CFAP44: variants seen among roughly 807,000 people sequenced by gnomAD.
The protein encoded by CFAP44 is cilia and flagella associated protein 44, also known as cilia- and flagella-associated protein 44.
Under a neutral mutation model 216.2 loss-of-function variants are expected in CFAP44, and 134 were observed. The observed-to-expected ratio is 0.62, with a 90% CI of 0.54 to 0.72. CFAP44 has a LOEUF of 0.72. CFAP44 is among the 30% of genes least tolerant of loss of function. CFAP44 has a pLI of 0.00. For missense variants in CFAP44, 2,035 were observed against 2,182.1 expected, an observed-to-expected ratio of 0.93 and a Z score of 1.34; for synonymous variants, 700 against 727.6, an observed-to-expected ratio of 0.96 and a Z score of 0.61.
chr3:113,301,469 T>A (rs1949934429), intron 32 of CFAP44, among the ~76,000 whole-genome samples: 2 of 152,168 alleles, frequency 1.3e-5, no homozygotes, highest in African/African-American at 4.8e-5. Context: ...CATTCTGTTG[T>A]AATACTCCAC....
chr3:113,289,444 A>AG lies in CFAP44; in HGVS notation c.*2112dup, dbSNP rs1215226782. Reference sequence around the variant, plus strand: ...TCAGAATCAGAATCTCAGAATGGGAAGGAACCCATTCTACCAATCCTTCAT... The same window carrying AG: ...TCAGAATCAGAATCTCAGAATGGGAAGGGAACCCATTCTACCAATCCTTCAT... On this transcript the variant is annotated 3_prime_UTR_variant, in exon 35 of 35. Coordinates refer to ENST00000393845, the MANE Select transcript of CFAP44 (RefSeq NM_001164496.2). 7.2e-5 allele frequency: 11 copies of AG among 152,206 alleles called. No homozygotes were observed. Among genetic ancestry groups the AG allele is most frequent in the Admixed American group, 7.2e-4 (11 of 15,274 alleles). 9.4% of individuals were successfully genotyped at this position (152,206 alleles called of 1,614,324 possible). A position where few individuals can be genotyped will look rare whatever the true frequency, so the allele number is the denominator to read the frequency against.
At chr3:113,406,879 G>T in intron 8 of CFAP44, 48 bp downstream of exon 8, 1 of 1,362,928 alleles carries the variant, frequency 7.3e-7, no homozygotes, top group Non-Finnish European at 1.0e-6. Context: ...TTTCATATAT[G>T]TACTTGAAAA....
intron 17 of CFAP44, 142 bp from the exon 18 acceptor site, chr3:113,373,698 A>G (rs1449061998): frequency 4.4e-6 from 3 of 679,564 alleles, no homozygotes; most frequent in Non-Finnish European, 6.5e-6. Flanking sequence ...CTATGATTAT[A>G]GATTTATTAT....
At chr3:113,313,606 G>A (rs756996247) in intron 28 of CFAP44, among the ~76,000 whole-genome samples, 17 of 152,104 alleles carry the variant, frequency 1.1e-4, no homozygotes, top group South Asian at 4.1e-4. Context: ...TTGTACTCCC[G>A]TAATTCCCAC....
chr3:113,423,291 T>G (rs1014818013), intron 4 of CFAP44, among the ~76,000 whole-genome samples: 17 of 151,904 alleles, frequency 1.1e-4, no homozygotes, highest in African/African-American at 4.1e-4. Context: ...ATTTTTGTAT[T>G]TCTTGTAAAG....
chr3:113,439,230 A>G (rs1160329364), intron 1 of CFAP44, among the ~76,000 whole-genome samples: 1 of 152,130 alleles, frequency 6.6e-6, no homozygotes, highest in Non-Finnish European at 1.5e-5. Context: ...AAGTTGTCAG[A>G]ATTAGAATGG....
intron 28 of CFAP44, among the ~76,000 whole-genome samples, chr3:113,317,497 C>T (rs1950099808): frequency 6.6e-6 from 1 of 152,214 alleles, no homozygotes; most frequent in South Asian, 2.1e-4. Flanking sequence ...AGCAGCTATA[C>T]AACACAGCCT....
At chr3:113,386,556 G>A (rs1000149208) in intron 15 of CFAP44, among the ~76,000 whole-genome samples, 1 of 152,184 alleles carries the variant, frequency 6.6e-6, no homozygotes, top group African/African-American at 2.4e-5. Context: ...TGCCTAGGTT[G>A]TACAATCAAT....
chr3:113,297,024 G>A, intron 32 of CFAP44, 139 bp from the exon 33 acceptor site: 1 of 998,024 alleles, frequency 1.0e-6, no homozygotes, highest in Non-Finnish European at 1.5e-6. Context: ...TTTCTTCTGT[G>A]ATTTTTTCTG....
At chr3:113,389,150 C>T (rs934608180) in intron 15 of CFAP44, among the ~76,000 whole-genome samples, 2 of 151,980 alleles carry the variant, frequency 1.3e-5, no homozygotes, top group African/African-American at 4.8e-5. Flanking sequence ...TAAAACATTC[C>T]AAAAATTGAA....
Position 113,306,278 on chromosome 3 carries a change from C to A in CFAP44, c.4681G>T (p.Asp1561Tyr). 1 of 1,536,856 alleles carries A rather than the reference C, an allele frequency of 6.5e-7. No individual in the cohort carries two copies. Among genetic ancestry groups the A allele is most frequent in the Non-Finnish European group, 8.7e-7 (1 of 1,146,724 alleles). Residue 1561 changes from aspartate to tyrosine, a missense_variant, in exon 30 of 35, where the codon GAC (aspartate) becomes TAC (tyrosine). By Grantham distance (160) the Asp-to-Tyr change is radical. Around this residue, in one of 3 missense-constraint regions of CFAP44, gnomAD observed 1,883 missense variants for 2,023.7 expected, o/e 0.93. Coordinates refer to ENST00000393845, the MANE Select transcript of CFAP44 (RefSeq NM_001164496.2). The part of the protein sequence containing the change: ...LALHLREKRL[D>Y]IEEALVEEKK... ...TCTTCAACTAAAGCCTCCTCAATGT[C>A]CAGCCTTTTCTCTCGAAGGTGAAGG... is the stretch of plus-strand genomic sequence containing the variant.
chr3:113,393,661 A>G (rs1933906251), intron 15 of CFAP44, among the ~76,000 whole-genome samples: 1 of 152,070 alleles, frequency 6.6e-6, no homozygotes, highest in Non-Finnish European at 1.5e-5. Flanking sequence ...GACTAGAGGC[A>G]TGCACCACCA....
intron 17 of CFAP44, among the ~76,000 whole-genome samples, chr3:113,373,905 G>A (rs1235784119): frequency 7.2e-5 from 11 of 151,984 alleles, no homozygotes; most frequent in African/African-American, 1.4e-4. Flanking sequence ...GCAGTTCCTC[G>A]TTTTTACAGC....
chr3:113,321,799 T>C (rs1950148309), intron 28 of CFAP44, among the ~76,000 whole-genome samples: 1 of 152,062 alleles, frequency 6.6e-6, no homozygotes, highest in Non-Finnish European at 1.5e-5. Context: ...CCTGGGAACA[T>C]AGCTAATCAA....
chr3:113,336,326 T>C (rs895824259), intron 24 of CFAP44, among the ~76,000 whole-genome samples: 7 of 151,968 alleles, frequency 4.6e-5, no homozygotes, highest in African/African-American at 1.7e-4. Context: ...CTAGCTGGAA[T>C]GATCAAGAAA....
In CFAP44 at chr3:113,287,082, C is replaced by T. The variant is rs530854730; in HGVS notation, c.*4475G>A. On this transcript the variant is annotated 3_prime_UTR_variant, in exon 35 of 35. Transcript: ENST00000393845. ...GGAAAATAAAGAAGCTGCCACCTAA[C>T]AGGAGTCACCCAGGAAAGCACCGCA... is the stretch of plus-strand genomic sequence containing the variant. The T allele has an allele frequency of 6.8e-5, 40 of 584,444 alleles. No homozygotes were observed. The highest frequency in any genetic ancestry group is 1.5e-4 in the African/African-American group (8 of 54,252). 36.2% of individuals were successfully genotyped at this position (584,444 alleles called of 1,614,324 possible).
chr3:113,408,314 G>A (rs915173403), intron 7 of CFAP44, among the ~76,000 whole-genome samples: 2 of 152,160 alleles, frequency 1.3e-5, no homozygotes, highest in Non-Finnish European at 2.9e-5. Context: ...AATGAAAAGA[G>A]CATGGAGTTT....
At chr3:113,398,842 T>C (rs1197624037) in intron 13 of CFAP44, among the ~76,000 whole-genome samples, 5 of 152,214 alleles carry the variant, frequency 3.3e-5, no homozygotes, top group African/African-American at 9.6e-5. Context: ...CTGCAAATCT[T>C]TGATGGGCCT....
At chr3:113,338,549 A>AT (rs113738948) in intron 24 of CFAP44, among the ~76,000 whole-genome samples, 13,819 of 150,254 alleles carry the variant, frequency 0.092, 828 homozygotes, top group African/African-American at 0.16. Flanking sequence ...CTCATACCAG[A>AT]TTTTTTTTTT....
Sources: allele counts gnomAD v4.1 joint callset (sites outside exome capture counted in the v4.1 genomes callset), GRCh38; gene constraint gnomAD v4.1.1; regional missense constraint gnomAD v4.1.1; transcripts MANE v1.5; gene names NCBI Gene and HGNC (gene_info 2026-07-23, HGNC 2026-07-21).